TTC28: variants seen among roughly 807,000 people sequenced by gnomAD.
TTC28 encodes the protein tetratricopeptide repeat protein 28.
Under a neutral mutation model 198.0 loss-of-function variants are expected in TTC28, and 61 were observed. The ratio of observed to expected loss-of-function variants is 0.31; its 90% CI spans 0.25 to 0.38. TTC28 has a LOEUF of 0.38. Ranked by LOEUF, TTC28 falls within the 10% of genes least tolerant of loss-of-function variation. The probability of loss-of-function intolerance (pLI) is 1.00; values close to 1 mark genes in which losing one functional copy is unlikely to be tolerated. For missense variants in TTC28, 2,678 were observed against 3,164.0 expected (o/e 0.85, Z 3.69); for synonymous variants, 1,171 against 1,297.8 (o/e 0.90, Z 2.10).
At chr22:28,350,071 T>C (rs1321180093) in intron 2 of TTC28, among the ~76,000 whole-genome samples, 2 of 152,348 alleles carry the variant, frequency 1.3e-5, no homozygotes, top group East Asian at 1.9e-4. Flanking sequence ...TAGTAGAGAA[T>C]GACATAAGCA....
Position 27,982,269 on chromosome 22 carries a change from G to A in TTC28, c.7398C>T (p.Gly2466=). 9 of 1,476,450 alleles carry A rather than the reference G, an allele frequency of 6.1e-6. No individual in the cohort carries two copies. Among genetic ancestry groups the A allele is most frequent in the Non-Finnish European group, 7.2e-6 (8 of 1,113,424 alleles). 91.5% of individuals were successfully genotyped at this position (1,476,450 alleles called of 1,614,324 possible). A position where few individuals can be genotyped will look rare whatever the true frequency, so the allele number is the denominator to read the frequency against. Reference sequence around the variant, plus strand: ...ATCTTCCTGGAGACAGGAACTTGTAGCCATTTCCAGAAGGAAGCCTCAAAG... The same window carrying A: ...ATCTTCCTGGAGACAGGAACTTGTAACCATTTCCAGAAGGAAGCCTCAAAG... The part of the protein sequence containing the change: ...ARPLRLPSGN[G]YKFLSPGRFF... Residue 2466 remains glycine (G), a synonymous_variant, in exon 23 of 23, where the codon GGC becomes GGT. Transcript: ENST00000397906. This position sits in a 1 kb window ranked among gnomAD's most constrained non-coding sequence, Gnocchi z 5.2.
intron 1 of TTC28, among the ~76,000 whole-genome samples, chr22:28,635,517 A>G (rs781625011): frequency 2.6e-5 from 4 of 152,148 alleles, no homozygotes; most frequent in Non-Finnish European, 5.9e-5. Context: ...CATTGCTGAT[A>G]TTTTCCTCTG....
rs910261629 is a variant in TTC28, at chr22:27,978,216, C to A, written c.*4005G>T. The A allele has an allele frequency of 6.6e-6, 1 of 152,248 alleles. No homozygotes were observed. The highest frequency in any genetic ancestry group is 2.4e-5 in the African/African-American group (1 of 41,536). 9.4% of individuals were successfully genotyped at this position (152,248 alleles called of 1,614,324 possible). A position where few individuals can be genotyped will look rare whatever the true frequency, so the allele number is the denominator to read the frequency against. On this transcript the variant is annotated 3_prime_UTR_variant, in exon 23 of 23. Coordinates refer to ENST00000397906, the MANE Select transcript of TTC28 (RefSeq NM_001145418.2). ...GATGGCTAACACTGCATATAAGGAA[C>A]GTGAATGCCAGTGGGAAGGTGTCTG...
chr22:28,099,184 C>T (rs958867573), intron 9 of TTC28, 140 bp from the exon 10 acceptor site: 13 of 1,209,558 alleles, frequency 1.1e-5, no homozygotes, highest in Middle Eastern at 2.0e-4. Flanking sequence ...GTCTGATGTC[C>T]AGGTGTAAGG....
chr22:28,039,670 A>G (rs1488086000), intron 12 of TTC28, among the ~76,000 whole-genome samples: 1 of 152,144 alleles, frequency 6.6e-6, no homozygotes, highest in Non-Finnish European at 1.5e-5. Flanking sequence ...AAAGTATAAA[A>G]AAAAGAACTA....
rs77871087 is a variant in TTC28, at chr22:28,208,122, C to T, written c.934-44523G>A. On this transcript the variant is annotated intron_variant, in intron 5 of 22. Transcript: ENST00000397906. ...TCTTCCCACCATTTTGTAACCTGCC[C>T]AAAATGCTGCAAGGTGCTTGAATAC... is the stretch of plus-strand genomic sequence containing the variant. 8.5e-3 allele frequency among the ~76,000 whole-genome samples: 1,298 copies of T among 152,184 alleles called. 19 individuals carry two copies. Among genetic ancestry groups the T allele is most frequent in the African/African-American group, 0.03 (1,228 of 41,528 alleles).
rs1302913461 is a variant in TTC28 at position 28,001,485 on chromosome 22, G to A, written c.4287C>T (p.Leu1429=). The change falls in exon 15 of 23, where the codon CTC becomes CTT. Residue 1429 remains leucine (L), a synonymous_variant. Transcript: ENST00000397906. The part of the protein sequence containing the change: ...RQLILVLEGE[L]YLIPFALLKG... ...TCAGGAGGGCGAAAGGAATGAGGTAGAGCTCCCCCTCCAGAACCAGGATGA... is the reference window on the plus strand; with the variant it reads ...TCAGGAGGGCGAAAGGAATGAGGTAAAGCTCCCCCTCCAGAACCAGGATGA... The A allele has an allele frequency of 6.4e-7, 1 of 1,551,572 alleles. No individual in the cohort carries two copies. Among genetic ancestry groups the A allele is most frequent in the Non-Finnish European group, 8.7e-7 (1 of 1,146,978 alleles).
intron 12 of TTC28, among the ~76,000 whole-genome samples, chr22:28,036,183 T>C (rs1165947633): frequency 1.3e-5 from 2 of 152,320 alleles, no homozygotes; most frequent in Middle Eastern, 3.4e-3. Context: ...ATCAACAGAA[T>C]GTACATTCTT....
intron 5 of TTC28, among the ~76,000 whole-genome samples, chr22:28,238,506 T>G (rs1033522652): frequency 1.3e-5 from 2 of 152,222 alleles, no homozygotes; most frequent in African/African-American, 4.8e-5. Context: ...ATATCTGTTT[T>G]AAAGTACTTG....
At chr22:28,127,911 TG>T (rs749726157) in intron 6 of TTC28, among the ~76,000 whole-genome samples, 7 of 149,514 alleles carry the variant, frequency 4.7e-5, no homozygotes, top group Non-Finnish European at 7.4e-5. Context: ...TTTTTTTTTT[TG>T]GGGGTGGGAT....
intron 14 of TTC28, among the ~76,000 whole-genome samples, chr22:28,013,536 A>G (rs2146581731): frequency 6.6e-6 from 1 of 152,384 alleles, no homozygotes; most frequent in South Asian, 2.1e-4. Flanking sequence ...TGGTGGAGTC[A>G]GTGATTCCCA....
At chr22:28,010,180 T>C (rs1938092089) in intron 14 of TTC28, among the ~76,000 whole-genome samples, 1 of 152,204 alleles carries the variant, frequency 6.6e-6, no homozygotes, top group South Asian at 2.1e-4. Context: ...AGGGTGCTGC[T>C]AGCAGCATGT....
intron 5 of TTC28, among the ~76,000 whole-genome samples, chr22:28,240,415 A>T (rs982632184): frequency 2.0e-5 from 3 of 152,186 alleles, no homozygotes; most frequent in Non-Finnish European, 4.4e-5. Context: ...AATACTTTTT[A>T]AAAATATAAT....
intron 2 of TTC28, among the ~76,000 whole-genome samples, chr22:28,313,038 T>C (rs1170346614): frequency 2.0e-5 from 3 of 152,112 alleles, no homozygotes; most frequent in African/African-American, 7.2e-5. Context: ...ATATCACCAC[T>C]GATCCCACAG....
At chr22:28,197,116 T>C (rs143687692) in intron 5 of TTC28, among the ~76,000 whole-genome samples, 9,063 of 152,006 alleles carry the variant, frequency 0.06, 356 homozygotes, top group East Asian at 0.14. Context: ...TTCATGTCCT[T>C]TGTAGGGACA....
Position 28,297,848 on chromosome 22 carries a change from G to A in TTC28, c.534C>T (p.Ser178=), listed in dbSNP as rs766113132. ...GAAGCTGCTGATAAGTGGGCTCGAG[G>A]GAGTCTGAAAATAAACAACAATAAC... The part of the protein sequence containing the change: ...EAAMKSPMRD[S]LEPTYQQLQK... The change falls in exon 4 of 23, where the codon TCC becomes TCT. Residue 178 remains serine (S), a synonymous_variant. Transcript: ENST00000397906. 6 of 1,550,808 alleles carry A rather than the reference G, an allele frequency of 3.9e-6. No homozygotes were observed. The highest frequency in any genetic ancestry group is 1.2e-5 in the South Asian group (1 of 84,026).
At chr22:28,024,666 C>T (rs771552914) in intron 13 of TTC28, among the ~76,000 whole-genome samples, 14 of 152,202 alleles carry the variant, frequency 9.2e-5, no homozygotes, top group Non-Finnish European at 2.1e-4. Flanking sequence ...CTGCCACTGA[C>T]AAGTGGGCAG....
intron 2 of TTC28, among the ~76,000 whole-genome samples, chr22:28,389,029 T>C (rs1326652171): frequency 6.6e-6 from 1 of 152,004 alleles, no homozygotes; most frequent in Non-Finnish European, 1.5e-5. Context: ...AATACCTAAT[T>C]TATTGAGAGT....
chr22:28,505,891 G>A (rs74794874), intron 2 of TTC28, among the ~76,000 whole-genome samples: 1 of 152,232 alleles, frequency 6.6e-6, no homozygotes, highest in East Asian at 1.9e-4. Flanking sequence ...AGTTGGAACG[G>A]AGTTCCCGGG....
Sources: allele counts gnomAD v4.1 joint callset (sites outside exome capture counted in the v4.1 genomes callset), GRCh38; gene constraint gnomAD v4.1.1; non-coding constraint Gnocchi (gnomAD v3.1); transcripts MANE v1.5; gene names NCBI Gene and HGNC (gene_info 2026-07-23, HGNC 2026-07-21).